Variants in NUP160 observed in about 807,000 individuals in gnomAD.
The protein encoded by NUP160 is nuclear pore complex protein Nup160.
In NUP160, 94 loss-of-function variants were observed where a neutral mutation model predicts 196.9. The observed-to-expected ratio is 0.48, with a 90% CI of 0.40 to 0.57. The LOEUF (loss-of-function observed/expected upper bound fraction) is 0.57, where lower values mean the gene tolerates loss of function less well. NUP160 is among the 20% of genes least tolerant of loss of function. The pLI, the probability that NUP160 is intolerant of heterozygous loss-of-function variation, is 0.00. For synonymous variants in NUP160, 605 were observed against 619.7 expected (o/e 0.98, Z 0.35); for missense variants, 1,638 against 1,748.3 (o/e 0.94, Z 1.13).
intron 7 of NUP160, among the ~76,000 whole-genome samples, chr11:47,832,947 GA>G (rs1371768237): frequency 6.6e-6 from 1 of 152,184 alleles, no homozygotes; most frequent in Non-Finnish European, 1.5e-5. Context: ...TAACTTTATA[GA>G]GACAGAAAAT....
At chr11:47,783,449 C>T (rs1296858538) in intron 33 of NUP160, among the ~76,000 whole-genome samples, 1 of 152,130 alleles carries the variant, frequency 6.6e-6, no homozygotes, top group Admixed American at 6.5e-5. Flanking sequence ...GTTAAATAGC[C>T]TTCTTCCCCT....
chr11:47,798,716 G>A (rs930955993), intron 23 of NUP160, among the ~76,000 whole-genome samples: 7 of 152,012 alleles, frequency 4.6e-5, no homozygotes, highest in Non-Finnish European at 8.8e-5. Context: ...TGTAGTTGTA[G>A]CGACTTGGGA....
At chr11:47,791,718 G>T (rs1218510289) in intron 29 of NUP160, among the ~76,000 whole-genome samples, 6 of 152,142 alleles carry the variant, frequency 3.9e-5, no homozygotes. Context: ...TCCAGAAAAA[G>T]AATCCAATAT....
chr11:47,779,336 A>G (rs2097659290), intron 35 of NUP160, 142 bp from the exon 36 acceptor site: 1 of 598,828 alleles, frequency 1.7e-6, no homozygotes, highest in Non-Finnish European at 3.0e-6. Flanking sequence ...ACCATTTGTT[A>G]TAGGAGTCTC....
At chr11:47,826,585 CAG>C (rs1851972867) in intron 7 of NUP160, among the ~76,000 whole-genome samples, 1 of 141,530 alleles carries the variant, frequency 7.1e-6, no homozygotes. Context: ...TTTTTTGAGA[CAG>C]AGTCTCTCTC....
In NUP160 at chr11:47,797,892, AG is replaced by A. The variant is rs979664675; in HGVS notation, c.3184-9del. 1.2e-6 allele frequency: 2 copies of A among 1,604,222 alleles called. No individual in the cohort carries two copies. The highest frequency in any genetic ancestry group is 2.7e-5 in the African/African-American group (2 of 74,220). ...CTCAATTATTCCCACAACCTAGGGA[AG>A]GGGAAGCAATCAGATAACTAAGTCA... On this transcript the variant is annotated splice_polypyrimidine_tract_variant and intron_variant, in intron 26 of 35. Coordinates refer to ENST00000378460, the Ensembl canonical transcript of NUP160.
chr11:47,806,790 T>TATACACAC (rs1296127312), intron 19 of NUP160, among the ~76,000 whole-genome samples: 13 of 111,898 alleles, frequency 1.2e-4, no homozygotes, highest in Non-Finnish European at 2.0e-4. Flanking sequence ...AAAGCAGCTA[T>TATACACAC]ACACACACAC....
intron 7 of NUP160, among the ~76,000 whole-genome samples, chr11:47,826,815 G>A (rs543618768): frequency 5.4e-4 from 82 of 152,218 alleles, no homozygotes; most frequent in Non-Finnish European, 9.1e-4. Flanking sequence ...TGCCCGCCTT[G>A]GCCTCCCAAA....
chr11:47,810,046 C>T (rs1257893087), intron 17 of NUP160, among the ~76,000 whole-genome samples: 2 of 151,500 alleles, frequency 1.3e-5, no homozygotes, highest in Non-Finnish European at 2.9e-5. Context: ...GAAAAATTGA[C>T]AAAAGTTATA....
chr11:47,819,184 G>A (rs930047222), intron 10 of NUP160, among the ~76,000 whole-genome samples, 190 bp downstream of exon 10: 1 of 151,900 alleles, frequency 6.6e-6, no homozygotes, highest in East Asian at 1.9e-4. Flanking sequence ...GTGGTGGTAC[G>A]TGACTGTAGT....
At chr11:47,841,821 G>A (rs979251275) in intron 2 of NUP160, 1 of 166,948 alleles carries the variant, frequency 6.0e-6, no homozygotes, top group African/African-American at 2.4e-5. Flanking sequence ...CTCAGCAGCT[G>A]GGACTACAGG....
At chr11:47,796,237 C>A in intron 27 of NUP160, 3 of 551,290 alleles carry the variant, frequency 5.4e-6, no homozygotes, top group Non-Finnish European at 9.8e-6. Context: ...AAGAGAAATA[C>A]GAGATTACAG....
intron 19 of NUP160, among the ~76,000 whole-genome samples, chr11:47,806,838 CACACACACACACACAT>C (rs909613479): frequency 6.1e-5 from 7 of 114,014 alleles, no homozygotes; most frequent in African/African-American, 1.6e-4. Context: ...CACACACACA[CACACACACACACACAT>C]ATATATACCA....
chr11:47,800,407 T>G (rs2097673549), intron 23 of NUP160, among the ~76,000 whole-genome samples: 1 of 151,836 alleles, frequency 6.6e-6, no homozygotes, highest in South Asian at 2.1e-4. Flanking sequence ...TTTTTTTTTT[T>G]GAGGTGGAGT....
At chr11:47,815,378 T>A in intron 13 of NUP160, 101 bp downstream of exon 13, 2 of 849,938 alleles carry the variant, frequency 2.4e-6, no homozygotes, top group East Asian at 5.6e-5. Context: ...CAGACTAACA[T>A]TCGGCAAGAG....
At chr11:47,793,596 C>A (rs952183579) in intron 27 of NUP160, among the ~76,000 whole-genome samples, 1 of 152,058 alleles carries the variant, frequency 6.6e-6, no homozygotes, top group African/African-American at 2.4e-5. Context: ...TATTTCTACA[C>A]CCATGTTCAT....
rs1314510378 is a variant in NUP160 at position 47,779,198 on chromosome 11, T to G, written c.4222-4A>C. 2 of 1,594,006 alleles carry G rather than the reference T, an allele frequency of 1.3e-6. No homozygotes were observed. The highest frequency in any genetic ancestry group is 1.7e-6 in the Non-Finnish European group (2 of 1,163,370). On this transcript the variant is annotated splice_polypyrimidine_tract_variant and splice_region_variant and intron_variant, in intron 35 of 35. Coordinates refer to ENST00000378460, the Ensembl canonical transcript of NUP160. Reference sequence around the variant, plus strand: ...TGTCAAGTATTTTCTGGGACAGCTATAAGAGAAAAGAAGGAAAACATTACA... The same window carrying G: ...TGTCAAGTATTTTCTGGGACAGCTAGAAGAGAAAAGAAGGAAAACATTACA...
intron 13 of NUP160, among the ~76,000 whole-genome samples, chr11:47,814,592 T>C (rs570074892): frequency 6.3e-4 from 96 of 151,336 alleles, no homozygotes; most frequent in Non-Finnish European, 1.1e-3. Flanking sequence ...ATGGGCACAA[T>C]TGGCAAAATC....
At chr11:47,840,782 C>CTG (rs1292160802) in intron 2 of NUP160, among the ~76,000 whole-genome samples, 194 bp from the exon 3 acceptor site, 1 of 152,170 alleles carries the variant, frequency 6.6e-6, no homozygotes, top group Non-Finnish European at 1.5e-5. Flanking sequence ...CCAAATTTCA[C>CTG]TGTGATTCTG....
Sources: gnomAD v4.1 joint callset for allele counts (sites outside exome capture counted in the v4.1 genomes callset) on GRCh38, gnomAD v4.1.1 for gene constraint, MANE v1.5 for transcripts, NCBI Gene and HGNC (gene_info 2026-07-23, HGNC 2026-07-21) for gene names.